KIAA0930: variants seen among roughly 807,000 people sequenced by gnomAD.
The protein encoded by KIAA0930 is uncharacterized protein KIAA0930.
Under a neutral mutation model 43.9 loss-of-function variants are expected in KIAA0930, and 24 were observed. The observed-to-expected ratio is 0.55, with a 90% confidence interval of 0.40 to 0.77. The LOEUF (loss-of-function observed/expected upper bound fraction) is 0.77, where lower values mean the gene tolerates loss of function less well. KIAA0930 is among the 30% of genes least tolerant of loss of function. KIAA0930 has a pLI of 0.00. For missense variants in KIAA0930, 461 were observed against 574.2 expected, an observed-to-expected ratio of 0.80 and a Z score of 2.02; for synonymous variants, 259 against 216.4, an observed-to-expected ratio of 1.20 and a Z score of -1.73.
chr22:45,235,649 T>C (rs956659931), intron 1 of KIAA0930, among the ~76,000 whole-genome samples: 5 of 152,110 alleles, frequency 3.3e-5, no homozygotes, highest in Admixed American at 6.6e-5. Flanking sequence ...CCAGGTGCTT[T>C]GTATCCTGGA....
intron 2 of KIAA0930, among the ~76,000 whole-genome samples, chr22:45,209,579 C>T (rs2083674389): frequency 6.6e-6 from 1 of 152,160 alleles, no homozygotes; most frequent in Non-Finnish European, 1.5e-5. Context: ...TGTCCTACAA[C>T]CCGCCCGCCA....
intron 1 of KIAA0930, among the ~76,000 whole-genome samples, chr22:45,217,719 G>A (rs1051468393): frequency 2.0e-5 from 3 of 152,170 alleles, no homozygotes; most frequent in Admixed American, 6.5e-5. Context: ...TCATTAACCC[G>A]AAAGTGCCAT....
At chr22:45,219,673 C>T (rs1385390390) in intron 1 of KIAA0930, among the ~76,000 whole-genome samples, 3 of 147,330 alleles carry the variant, frequency 2.0e-5, no homozygotes, top group African/African-American at 7.5e-5. Flanking sequence ...CTCACTGCAA[C>T]CTCCATTTCC....
chr22:45,229,087 A>C (rs945070381), intron 1 of KIAA0930, among the ~76,000 whole-genome samples: 166 of 1,516 alleles, frequency 0.11, 3 homozygotes, highest in African/African-American at 0.18. Flanking sequence ...TCCACCCCCC[A>C]ACCACCAAAC....
In KIAA0930 at chr22:45,197,032, GC is replaced by G; in HGVS notation, c.*143del. On this transcript the variant is annotated 3_prime_UTR_variant, in exon 10 of 10. Transcript: ENST00000336156. ...GCTGGTGTTCGTGGAGTCGGCCCCG[GC>G]CCCGGGAGTCGAGTGGCCTCGCCTG... is the stretch of plus-strand genomic sequence containing the variant. The G allele has an allele frequency of 1.5e-6, 1 of 662,028 alleles. No individual in the cohort carries two copies. The highest frequency in any genetic ancestry group is 2.5e-6 in the Non-Finnish European group (1 of 401,926). The allele number at this position is 662,028 out of a possible 1,614,324, so 41.0% of individuals were successfully genotyped here. A position where few individuals can be genotyped will look rare whatever the true frequency, so the allele number is the denominator to read the frequency against.
chr22:45,237,101 C>A (rs1008928580), intron 1 of KIAA0930, among the ~76,000 whole-genome samples: 1 of 152,266 alleles, frequency 6.6e-6, no homozygotes, highest in Non-Finnish European at 1.5e-5. Flanking sequence ...GCCCAAGCCC[C>A]GGGAAGAAGT....
intron 1 of KIAA0930, among the ~76,000 whole-genome samples, chr22:45,231,998 A>C (rs1017133891): frequency 1.2e-4 from 19 of 152,164 alleles, no homozygotes; most frequent in Non-Finnish European, 2.6e-4. Context: ...CTCAAAACAA[A>C]CAAACAAAAT....
At chr22:45,212,967 C>G (rs1219790302) in intron 1 of KIAA0930, among the ~76,000 whole-genome samples, 1 of 152,128 alleles carries the variant, frequency 6.6e-6, no homozygotes, top group Non-Finnish European at 1.5e-5. Flanking sequence ...GCCAAGCTCT[C>G]TCTTATCAAC....
At chr22:45,235,939 G>A (rs567935898) in intron 1 of KIAA0930, among the ~76,000 whole-genome samples, 1 of 152,352 alleles carries the variant, frequency 6.6e-6, no homozygotes, top group African/African-American at 2.4e-5. Context: ...GTGATGGCGG[G>A]TTGGGGGAGG....
At chr22:45,222,641 C>A (rs1569081255) in intron 1 of KIAA0930, among the ~76,000 whole-genome samples, 5 of 151,490 alleles carry the variant, frequency 3.3e-5, no homozygotes, top group Non-Finnish European at 1.5e-5. Flanking sequence ...GGAAAAAAAA[C>A]CACCCCCGCC....
rs73436104 is a variant in KIAA0930 at position 45,231,435 on chromosome 22, G to A, written c.64+9205C>T. ...CATTGGCAGTGGGGCCTGAAGATCCGAGGGATGTCTGGGCTTGTCCCAGCG... is the reference window on the plus strand; with the variant it reads ...CATTGGCAGTGGGGCCTGAAGATCCAAGGGATGTCTGGGCTTGTCCCAGCG... On this transcript the variant is annotated intron_variant, in intron 1 of 9. Transcript: ENST00000336156. Among the ~76,000 whole-genome samples the A allele has an allele frequency of 4.7e-3, 714 of 150,934 alleles. 6 individuals carry two copies. Among genetic ancestry groups the A allele is most frequent in the African/African-American group, 0.017 (682 of 40,940 alleles).
chr22:45,210,486 CCCAGGTGT>C (rs1482420222), intron 2 of KIAA0930, among the ~76,000 whole-genome samples: 1 of 152,170 alleles, frequency 6.6e-6, no homozygotes, highest in Non-Finnish European at 1.5e-5. Flanking sequence ...ATCCCAGCCT[CCCAGGTGT>C]CCAGAATGGG....
At position 45,194,930 on chromosome 22, in the gene KIAA0930, C is replaced by G. The variant is rs909834214; in HGVS notation, c.*2246G>C. ...GGTGCCTGTGTGCTGGTTTTCTCGT[C>G]TGTAAGATGGGGTCGGACAGGCAGC... On this transcript the variant is annotated 3_prime_UTR_variant, in exon 10 of 10. Transcript: ENST00000336156. 6.6e-6 allele frequency: 1 copy of G among 152,250 alleles called. No individual in the cohort carries two copies. The highest frequency in any genetic ancestry group is 2.4e-5 in the African/African-American group (1 of 41,452). 9.4% of individuals were successfully genotyped at this position (152,250 alleles called of 1,614,324 possible).
chr22:45,211,508 G>A (rs965962090), intron 2 of KIAA0930: 3 of 421,814 alleles, frequency 7.1e-6, no homozygotes, highest in Admixed American at 3.9e-5. Context: ...AGAGAGCTCA[G>A]CACTGTGTCT....
rs1163738570 is a variant in KIAA0930, at chr22:45,205,685, G to A, written c.359C>T (p.Ala120Val). ...LQKLDYMVTC[A>V]VCTRADGGDI... ...CCCGCCGTCAGCACGTGTGCACACC[G>A]CACAGGTCACCATGTAGTCCAGCTG... is the stretch of plus-strand genomic sequence containing the variant. Residue 120 changes from alanine to valine, a missense_variant, in exon 4 of 10, where the codon GCG (alanine) becomes GTG (valine). By Grantham distance (64) the Ala-to-Val change is moderately conservative (BLOSUM62 0). Coordinates refer to ENST00000336156, the MANE Select transcript of KIAA0930 (RefSeq NM_001009880.2). The A allele has an allele frequency of 2.5e-6, 4 of 1,614,088 alleles. No homozygotes were observed. The highest frequency in any genetic ancestry group is 2.5e-6 in the Non-Finnish European group (3 of 1,180,014).
intron 1 of KIAA0930, among the ~76,000 whole-genome samples, chr22:45,221,665 A>G (rs2083768555): frequency 6.6e-6 from 1 of 152,228 alleles, no homozygotes; most frequent in Non-Finnish European, 1.5e-5. Context: ...ACATGACTGG[A>G]CAGATCAATG....
chr22:45,193,423 T>G lies in KIAA0930; in HGVS notation c.*3753A>C, dbSNP rs1476813784. 6.6e-6 allele frequency: 1 copy of G among 151,820 alleles called. No homozygotes were observed. The highest frequency in any genetic ancestry group is 1.5e-5 in the Non-Finnish European group (1 of 67,972). 9.4% of individuals were successfully genotyped at this position (151,820 alleles called of 1,614,324 possible). ...AGGGCCTTTCCTCTGGGACATCTTT[T>G]AATGAAAAAAAAAAGTTTTACTTTG... On this transcript the variant is annotated 3_prime_UTR_variant, in exon 10 of 10. Transcript: ENST00000336156.
chr22:45,217,958 C>T (rs1471996675), intron 1 of KIAA0930, among the ~76,000 whole-genome samples: 3 of 152,104 alleles, frequency 2.0e-5, no homozygotes, highest in Admixed American at 6.5e-5. Flanking sequence ...GGAGAGGGCG[C>T]GTGGGAAGTG....
intron 5 of KIAA0930, among the ~76,000 whole-genome samples, chr22:45,204,978 G>A (rs183599072): frequency 1.2e-3 from 184 of 152,308 alleles, no homozygotes; most frequent in Non-Finnish European, 2.4e-3. Flanking sequence ...CTGACAGTAA[G>A]TAGGACAGAT....
Sources: gnomAD v4.1 joint callset for allele counts (sites outside exome capture counted in the v4.1 genomes callset) on GRCh38, gnomAD v4.1.1 for gene constraint, MANE v1.5 for transcripts, NCBI Gene and HGNC (gene_info 2026-07-23, HGNC 2026-07-21) for gene names.